The following SULF2 variants were observed in gnomAD, a reference collection of about 807,000 sequenced individuals.
The protein encoded by SULF2 is extracellular sulfatase Sulf-2.
Under a neutral mutation model 107.7 loss-of-function variants are expected in SULF2, and 52 were observed. The ratio of observed to expected loss-of-function variants is 0.48; its 90% CI spans 0.39 to 0.61. The LOEUF (loss-of-function observed/expected upper bound fraction) is 0.61. SULF2 is among the 20% of genes least tolerant of loss of function. The pLI, the probability that SULF2 is intolerant of heterozygous loss-of-function variation, is 0.00. For synonymous variants in SULF2, 460 were observed against 464.3 expected (o/e 0.99, Z 0.12); for missense variants, 993 against 1,177.3 (o/e 0.84, Z 2.29).
intron 4 of SULF2, among the ~76,000 whole-genome samples, chr20:47,701,622 T>C (rs1382042183): frequency 6.6e-6 from 1 of 152,182 alleles, no homozygotes; most frequent in Non-Finnish European, 1.5e-5. Context: ...AGCTAGGTTC[T>C]AGACAGTGCT....
chr20:47,688,065 G>A (rs1160564442), intron 5 of SULF2, among the ~76,000 whole-genome samples: 1 of 152,086 alleles, frequency 6.6e-6, no homozygotes, highest in Non-Finnish European at 1.5e-5. Flanking sequence ...TGGGGTCTGC[G>A]GGGTGGATGG....
intron 3 of SULF2, among the ~76,000 whole-genome samples, chr20:47,726,773 G>A (rs961074774): frequency 9.2e-5 from 14 of 152,172 alleles, no homozygotes; most frequent in Non-Finnish European, 1.8e-4. Flanking sequence ...ACTACAAAAG[G>A]TCTCATGCAC....
At chr20:47,734,919 T>C (rs1431392154) in intron 3 of SULF2, among the ~76,000 whole-genome samples, 9 of 152,230 alleles carry the variant, frequency 5.9e-5, no homozygotes, top group African/African-American at 2.2e-4. Flanking sequence ...GAAATCCACT[T>C]TAGAGAATGT....
At chr20:47,751,492 C>T (rs914870) in intron 2 of SULF2, among the ~76,000 whole-genome samples, 49,204 of 152,090 alleles carry the variant, frequency 0.32, 9,466 homozygotes, top group Non-Finnish European at 0.41. Flanking sequence ...GTGAGAGAAG[C>T]TCTCTTTCCA....
intron 4 of SULF2, among the ~76,000 whole-genome samples, chr20:47,696,206 G>GTA (rs575891532): frequency 6.6e-6 from 1 of 152,184 alleles, no homozygotes; most frequent in Non-Finnish European, 1.5e-5. Flanking sequence ...AATAGACACA[G>GTA]TATATACCTC....
rs556654780 is a variant in SULF2 at position 47,763,036 on chromosome 20, G to T, written c.-100-5573C>A. ...AAGATGACACAAGGGATTCTGCCTT[G>T]TTTTTTTTCCTTTTTCTTGGTAAAA... On this transcript the variant is annotated intron_variant, in intron 1 of 20. Transcript: ENST00000688720. 4.6e-5 allele frequency among the ~76,000 whole-genome samples: 7 copies of T among 152,100 alleles called. No individual in the cohort carries two copies. The East Asian group carries it at 1.4e-3, about 29-fold the overall frequency.
At chr20:47,709,902 C>CT (rs36064156) in intron 3 of SULF2, among the ~76,000 whole-genome samples, 613 of 137,918 alleles carry the variant, frequency 4.4e-3, no homozygotes, top group Non-Finnish European at 5.1e-3. Flanking sequence ...CCTGAAACCA[C>CT]TTTTTTTTTT....
At chr20:47,676,981 C>A in intron 9 of SULF2, 97 bp downstream of exon 9, 4 of 1,333,752 alleles carry the variant, frequency 3.0e-6, no homozygotes, top group Admixed American at 2.0e-5. Flanking sequence ...GAGCCATGGG[C>A]AGCTCCTGAA....
At chr20:47,663,994 T>C in intron 15 of SULF2, 136 bp downstream of exon 15, 3 of 939,222 alleles carry the variant, frequency 3.2e-6, no homozygotes, top group Admixed American at 5.2e-5. Context: ...AAGTAAGGCC[T>C]CTTCGAGGGC....
intron 16 of SULF2, 108 bp downstream of exon 16, chr20:47,663,345 C>A (rs2087150128): frequency 6.3e-7 from 1 of 1,576,208 alleles, no homozygotes; most frequent in Non-Finnish European, 8.6e-7. Flanking sequence ...CACCGTGGAC[C>A]CCTGGTGTTG....
At chr20:47,724,314 G>A (rs1437121380) in intron 3 of SULF2, among the ~76,000 whole-genome samples, 2 of 152,230 alleles carry the variant, frequency 1.3e-5, no homozygotes, top group South Asian at 2.1e-4. Flanking sequence ...GGCGAGAGGC[G>A]AGAGCTGCTT....
intron 1 of SULF2, among the ~76,000 whole-genome samples, chr20:47,776,165 A>G (rs536104898): frequency 6.6e-6 from 1 of 152,356 alleles, no homozygotes; most frequent in South Asian, 2.1e-4. Context: ...GTCAGGCTAT[A>G]GGGGATGGTG....
chr20:47,664,235 G>A, intron 14 of SULF2, 46 bp from the exon 15 acceptor site: 2 of 1,573,812 alleles, frequency 1.3e-6, no homozygotes, highest in Non-Finnish European at 1.7e-6. Context: ...TGGCTCAGAG[G>A]GCTCCGCTGG....
At chr20:47,750,398 A>T (rs2090135097) in intron 2 of SULF2, among the ~76,000 whole-genome samples, 2 of 152,198 alleles carry the variant, frequency 1.3e-5, no homozygotes, top group Non-Finnish European at 2.9e-5. Context: ...CATCAGTTCC[A>T]TCAGCACTTG....
At position 47,683,906 on chromosome 20, in the gene SULF2, G is replaced by A. The variant is rs186278100; in HGVS notation, c.888+525C>T. ...GGCGCTGGGCACAGAAGGCCACAGC[G>A]TGTACGATTCCATTTATAGGAAGTG... On this transcript the variant is annotated intron_variant, in intron 6 of 20. Transcript: ENST00000688720. Among the ~76,000 whole-genome samples the A allele has an allele frequency of 5.9e-5, 9 of 152,360 alleles. No individual in the cohort carries two copies. The East Asian group carries it at 1.5e-3, about 26-fold the overall frequency.
intron 2 of SULF2, among the ~76,000 whole-genome samples, chr20:47,746,934 T>C (rs929561846): frequency 8.1e-5 from 12 of 148,434 alleles, no homozygotes; most frequent in African/African-American, 3.0e-4. Flanking sequence ...CATATACATA[T>C]GTAACAAAAC....
At chr20:47,664,314 G>T in intron 14 of SULF2, 125 bp from the exon 15 acceptor site, 2 of 926,034 alleles carry the variant, frequency 2.2e-6, no homozygotes, top group Non-Finnish European at 3.3e-6. Flanking sequence ...CTCCTTCTGG[G>T]GTGGTGGTGG....
At chr20:47,660,640 G>A (rs1189562150) in intron 18 of SULF2, among the ~76,000 whole-genome samples, 2 of 151,902 alleles carry the variant, frequency 1.3e-5, no homozygotes, top group Non-Finnish European at 2.9e-5. Context: ...TGGGGCGACA[G>A]CTCTGTCTCC....
At chr20:47,772,847 A>G (rs926109624) in intron 1 of SULF2, among the ~76,000 whole-genome samples, 6 of 152,238 alleles carry the variant, frequency 3.9e-5, no homozygotes, top group African/African-American at 1.4e-4. Flanking sequence ...GTCTGGCACA[A>G]GACTTGGCAA....
Sources: allele counts gnomAD v4.1 joint callset (sites outside exome capture counted in the v4.1 genomes callset), GRCh38; gene constraint gnomAD v4.1.1; transcripts MANE v1.5; gene names NCBI Gene and HGNC (gene_info 2026-07-23, HGNC 2026-07-21).